The following PLEKHH2 variants were observed in gnomAD, a reference collection of about 807,000 sequenced individuals.
PLEKHH2 encodes the protein pleckstrin homology domain-containing family H member 2.
A neutral mutation model predicts 187.9 loss-of-function variants in PLEKHH2; 129 were observed. The observed-to-expected ratio is 0.69, with a 90% CI of 0.59 to 0.79. PLEKHH2 has a LOEUF of 0.79. PLEKHH2 is among the 30% of genes least tolerant of loss of function. The probability of loss-of-function intolerance (pLI) is 0.00; values close to 1 mark genes in which losing one functional copy is unlikely to be tolerated. For missense variants in PLEKHH2, 2,076 were observed against 1,751.2 expected, an observed-to-expected ratio of 1.19 and a Z score of -3.31; for synonymous variants, 686 against 605.6, an observed-to-expected ratio of 1.13 and a Z score of -1.95.
chr2:43,677,758 C>T (rs1558466950), intron 2 of PLEKHH2, among the ~76,000 whole-genome samples: 1 of 151,574 alleles, frequency 6.6e-6, no homozygotes, highest in Admixed American at 6.6e-5. Flanking sequence ...GGGCTCCTCA[C>T]TTCCCAGTAG....
intron 24 of PLEKHH2, among the ~76,000 whole-genome samples, chr2:43,752,258 T>G (rs1376155620): frequency 6.6e-6 from 1 of 152,228 alleles, no homozygotes; most frequent in African/African-American, 2.4e-5. Flanking sequence ...GGATTTGTCA[T>G]CTGTTTCTGT....
intron 14 of PLEKHH2, 81 bp from the exon 15 acceptor site, chr2:43,712,143 CG>C: frequency 1.3e-6 from 2 of 1,505,746 alleles, no homozygotes; most frequent in Non-Finnish European, 1.8e-6. Flanking sequence ...TAAGTAATGA[CG>C]TTTGAATAAT....
intron 3 of PLEKHH2, among the ~76,000 whole-genome samples, chr2:43,690,327 C>T (rs1447749450): frequency 6.6e-6 from 1 of 152,084 alleles, no homozygotes; most frequent in Non-Finnish European, 1.5e-5. Flanking sequence ...TAGTAGAATA[C>T]ATTTTTCTTC....
chr2:43,737,009 A>G (rs942303229), intron 19 of PLEKHH2, among the ~76,000 whole-genome samples: 2 of 152,162 alleles, frequency 1.3e-5, no homozygotes, highest in African/African-American at 4.8e-5. Context: ...AGCTGGAAAC[A>G]GTTTTCCCAT....
intron 1 of PLEKHH2, among the ~76,000 whole-genome samples, chr2:43,640,639 T>G (rs1665856399): frequency 6.6e-6 from 1 of 152,188 alleles, no homozygotes; most frequent in African/African-American, 2.4e-5. Context: ...AACATCCTAT[T>G]TGATGTGAAG....
chr2:43,697,131 TA>T, intron 6 of PLEKHH2, 39 bp from the exon 7 acceptor site: 1 of 1,483,722 alleles, frequency 6.7e-7, no homozygotes, highest in Non-Finnish European at 9.1e-7. Context: ...CAAACTTCTA[TA>T]AAAAATTCAA....
chr2:43,682,829 G>A (rs1453948525), intron 3 of PLEKHH2, among the ~76,000 whole-genome samples: 3 of 152,060 alleles, frequency 2.0e-5, no homozygotes, highest in Non-Finnish European at 2.9e-5. Context: ...TATACTATTT[G>A]ATCTTTAGTG....
At position 43,700,186 on chromosome 2, in the gene PLEKHH2, A is replaced by C. The variant is rs747405709; in HGVS notation, c.1228A>C (p.Ile410Leu). The C allele has an allele frequency of 1.9e-6, 3 of 1,614,000 alleles. No individual in the cohort carries two copies. Among genetic ancestry groups the C allele is most frequent in the Admixed American group, 1.7e-5 (1 of 59,998 alleles). Residue 410 changes from isoleucine to leucine, a missense_variant, in exon 8 of 30, where the codon ATT becomes CTT. Coordinates refer to ENST00000282406, the MANE Select transcript of PLEKHH2 (RefSeq NM_172069.4). ...SSSEANTPSP[I>L]LTPALMPKHP... is the part of the protein sequence containing the mutation. ...GAGTGAAGCCAACACCCCAAGCCCT[A>C]TTTTGACCCCAGCTTTAATGCCAAA...
At chr2:43,692,322 C>A (rs778006642) in intron 3 of PLEKHH2, 192 bp from the exon 4 acceptor site, 2 of 442,944 alleles carry the variant, frequency 4.5e-6, no homozygotes, top group Non-Finnish European at 4.0e-6. Context: ...TTGTATGTAC[C>A]TCCAAGGTAA....
At chr2:43,642,313 T>C (rs954490053) in intron 1 of PLEKHH2, among the ~76,000 whole-genome samples, 2 of 152,210 alleles carry the variant, frequency 1.3e-5, no homozygotes, top group Non-Finnish European at 2.9e-5. Context: ...GACTTTTGTA[T>C]GTTGATCTGA....
chr2:43,754,441 G>C (rs777413868), intron 25 of PLEKHH2, among the ~76,000 whole-genome samples: 25 of 152,052 alleles, frequency 1.6e-4, no homozygotes, highest in Non-Finnish European at 2.9e-5. Flanking sequence ...TCCCGCACTT[G>C]AGAAAACTTC....
intron 3 of PLEKHH2, among the ~76,000 whole-genome samples, chr2:43,687,073 TG>T (rs1316119935): frequency 1.3e-5 from 2 of 152,214 alleles, no homozygotes; most frequent in African/African-American, 4.8e-5. Context: ...TGCTGAGGTT[TG>T]GGATATGGAT....
In PLEKHH2 at chr2:43,700,507, T is replaced by C. The variant is rs769697184; in HGVS notation, c.1549T>C (p.Leu517=). 1.1e-5 allele frequency: 17 copies of C among 1,613,934 alleles called. No homozygotes were observed. Among genetic ancestry groups the C allele is most frequent in the Admixed American group, 3.3e-5 (2 of 60,000 alleles). Reference sequence around the variant, plus strand: ...TGATGGATTATTTTCCTATGACTCCTTGGACTCTCCAAATTCAGATGACCA... The same window carrying C: ...TGATGGATTATTTTCCTATGACTCCCTGGACTCTCCAAATTCAGATGACCA... The part of the protein sequence containing the change: ...CDDGLFSYDS[L]DSPNSDDQEH... The change falls in exon 8 of 30, where the codon TTG becomes CTG. Residue 517 remains leucine, a synonymous_variant. Coordinates refer to ENST00000282406, the MANE Select transcript of PLEKHH2 (RefSeq NM_172069.4).
chr2:43,759,026 A>G lies in PLEKHH2; in HGVS notation c.4068A>G (p.Ala1356=). Residue 1356 remains alanine, a synonymous_variant, in exon 27 of 30, where the codon GCA becomes GCG. Coordinates refer to ENST00000282406, the MANE Select transcript of PLEKHH2 (RefSeq NM_172069.4). ...TCTTTGGTGCCAAGTTGTTTCTTGC[A>G]AAAGTAAGAAAGAATGGGAGAGAGA... ...WPFFGAKLFL[A]KPITPSSLGS... 1.2e-6 allele frequency: 2 copies of G among 1,611,952 alleles called. No individual in the cohort carries two copies. Among genetic ancestry groups the G allele is most frequent in the East Asian group, 2.2e-5 (1 of 44,784 alleles).
intron 15 of PLEKHH2, among the ~76,000 whole-genome samples, chr2:43,719,954 TGTGGAAA>T (rs1196433793): frequency 4.6e-5 from 7 of 152,292 alleles, no homozygotes; most frequent in African/African-American, 1.7e-4. Context: ...ATCTGTGAAA[TGTGGAAA>T]CTATGAAATA....
intron 19 of PLEKHH2, among the ~76,000 whole-genome samples, chr2:43,736,434 A>G (rs1219329892): frequency 1.3e-5 from 2 of 152,140 alleles, no homozygotes; most frequent in Non-Finnish European, 2.9e-5. Flanking sequence ...TACTGTCTGG[A>G]GAGATTCAAG....
chr2:43,680,755 G>C, intron 3 of PLEKHH2: 1 of 394,408 alleles, frequency 2.5e-6, no homozygotes, highest in South Asian at 2.4e-5. Context: ...TCTATATGTG[G>C]CAGCCGTACA....
rs374217822 is a variant in PLEKHH2 at position 43,675,725 on chromosome 2, C to T, written c.124-3138C>T. The T allele has an allele frequency of 5.0e-6, 8 of 1,613,738 alleles. No homozygotes were observed. The African/African-American group carries it at 5.3e-5, about 11-fold the overall frequency. On this transcript the variant is annotated intron_variant, in intron 2 of 29. Transcript: ENST00000282406. ...TGATCTGCACAGGTCTCAGAGTTAT[C>T]GAGAAGTCTGTTAAGTCTTTTCATC...
chr2:43,728,807 C>A (rs1453956023), intron 17 of PLEKHH2, among the ~76,000 whole-genome samples: 4 of 152,034 alleles, frequency 2.6e-5, no homozygotes, highest in African/African-American at 7.2e-5. Context: ...GATGATCCAC[C>A]CGGCTTGGCC....
Sources: allele counts gnomAD v4.1 joint callset (sites outside exome capture counted in the v4.1 genomes callset), GRCh38; gene constraint gnomAD v4.1.1; transcripts MANE v1.5; gene names NCBI Gene and HGNC (gene_info 2026-07-23, HGNC 2026-07-21).